The following MRPL1 variants were observed in gnomAD, a reference collection of about 807,000 sequenced individuals.
MRPL1 encodes mitochondrial ribosomal protein L1.
MRPL1 carries 28 observed loss-of-function variants against 38.0 expected under a neutral mutation model. The ratio of observed to expected loss-of-function variants is 0.74; its 90% CI spans 0.55 to 1.01. The LOEUF (loss-of-function observed/expected upper bound fraction) is 1.01. Among genes scored for constraint, MRPL1 ranks in the 50% least tolerant of loss-of-function variants. MRPL1 has a pLI of 0.00. For synonymous variants in MRPL1, 123 were observed against 126.7 expected (o/e 0.97, Z 0.20); for missense variants, 358 against 389.8 (o/e 0.92, Z 0.69).
At chr4:77,890,393 T>C (rs1735779222) in intron 5 of MRPL1, among the ~76,000 whole-genome samples, 1 of 152,326 alleles carries the variant, frequency 6.6e-6, no homozygotes, top group Admixed American at 6.5e-5. Context: ...AACCACATGA[T>C]TATCTCAATA....
Position 77,904,244 on chromosome 4 carries a change from TAAA to T in MRPL1, c.671-5010_671-5008del, listed in dbSNP as rs879260489. Among the ~76,000 whole-genome samples, 21 of 139,352 alleles carry T rather than the reference TAAA, an allele frequency of 1.5e-4. No homozygotes were observed. The South Asian group carries it at 4.4e-3, about 29-fold the overall frequency. The allele number at this position is 139,352 out of a possible 152,430, so 91.4% of individuals were successfully genotyped here. On this transcript the variant is annotated intron_variant, in intron 6 of 8. Transcript: ENST00000315567. ...CCTGTGACAAAGCAAGACTGTGTCT[TAAA>T]AAAAAAAAAAAGGAGAAAAAGTTTG...
chr4:77,929,271 TAAAAATA>T (rs1736789953), intron 7 of MRPL1, among the ~76,000 whole-genome samples: 1 of 141,974 alleles, frequency 7.0e-6, no homozygotes, highest in South Asian at 2.3e-4. Flanking sequence ...TAAATAAAAA[TAAAAATA>T]AAAACAAAAA....
chr4:77,951,514 AT>A (rs1737407987), intron 8 of MRPL1, among the ~76,000 whole-genome samples: 1 of 152,226 alleles, frequency 6.6e-6, no homozygotes, highest in African/African-American at 2.4e-5. Context: ...ATAATTCAAA[AT>A]ATTAGTTCAG....
At chr4:77,863,556 T>TC (rs1207626577) in intron 1 of MRPL1, among the ~76,000 whole-genome samples, 6 of 147,200 alleles carry the variant, frequency 4.1e-5, no homozygotes, top group African/African-American at 1.0e-4. Context: ...AACCTCCGTC[T>TC]CCCAGGTTCA....
rs914824866 is a variant in MRPL1, at chr4:77,952,690, G to A, written c.*83G>A. On this transcript the variant is annotated 3_prime_UTR_variant, in exon 9 of 9. Coordinates refer to ENST00000315567, the MANE Select transcript of MRPL1 (RefSeq NM_020236.4). ...ATACAGCATAATTTTTACATTTGAT[G>A]TCTTGTTATTGATCATACTTGAAAG... 3 of 818,394 alleles carry A rather than the reference G, an allele frequency of 3.7e-6. No individual in the cohort carries two copies. Among genetic ancestry groups the A allele is most frequent in the Non-Finnish European group, 5.9e-6 (3 of 507,312 alleles). 50.7% of individuals were successfully genotyped at this position (818,394 alleles called of 1,614,324 possible). A position where few individuals can be genotyped will look rare whatever the true frequency, so the allele number is the denominator to read the frequency against.
Position 77,936,894 on chromosome 4 carries a change from A to G in MRPL1, c.778-12903A>G, listed in dbSNP as rs1736995204. Among the ~76,000 whole-genome samples the G allele has an allele frequency of 1.3e-5, 2 of 152,120 alleles. 1 individual carries two copies. Among genetic ancestry groups the G allele is most frequent in the South Asian group, 4.2e-4 (2 of 4,818 alleles). ...AATCCCAGCACTTTGGGAAGCCGAG[A>G]TGGGAGAATCGCCTGAGCCAAGGAG... On this transcript the variant is annotated intron_variant, in intron 7 of 8. Coordinates refer to ENST00000315567, the MANE Select transcript of MRPL1 (RefSeq NM_020236.4).
chr4:77,941,612 T>G (rs934839547), intron 7 of MRPL1, among the ~76,000 whole-genome samples: 1 of 152,226 alleles, frequency 6.6e-6, no homozygotes, highest in African/African-American at 2.4e-5. Flanking sequence ...AGGAGGGTTG[T>G]CTATTTCCAG....
At chr4:77,938,124 TC>T (rs1737031746) in intron 7 of MRPL1, among the ~76,000 whole-genome samples, 1 of 152,240 alleles carries the variant, frequency 6.6e-6, no homozygotes, top group African/African-American at 2.4e-5. Flanking sequence ...AATCCAGCTC[TC>T]CACCTGTTTT....
chr4:77,871,303 T>C lies in MRPL1; in HGVS notation c.32-441T>C, dbSNP rs138379856. On this transcript the variant is annotated intron_variant, in intron 1 of 8. Transcript: ENST00000315567. ...GTTTCAAGAACTGTGGTTTCTATTA[T>C]TACACTTTTTTTTTTTTTTGAGATG... Among the ~76,000 whole-genome samples, 563 of 146,050 alleles carry C rather than the reference T, an allele frequency of 3.9e-3. 4 individuals carry two copies. Among genetic ancestry groups the C allele is most frequent in the African/African-American group, 0.014 (538 of 37,586 alleles).
chr4:77,871,669 C>T (rs894043026), intron 1 of MRPL1, 75 bp from the exon 2 acceptor site: 3 of 678,036 alleles, frequency 4.4e-6, no homozygotes, highest in Non-Finnish European at 7.2e-6. Flanking sequence ...TTTGAAAGTA[C>T]TGACTTTTAA....
intron 5 of MRPL1, among the ~76,000 whole-genome samples, chr4:77,890,455 C>T (rs971956147): frequency 2.6e-5 from 4 of 152,192 alleles, no homozygotes; most frequent in African/African-American, 9.7e-5. Flanking sequence ...GCTAAAAACT[C>T]TCAATAAACT....
intron 5 of MRPL1, among the ~76,000 whole-genome samples, chr4:77,888,536 C>CAAAT (rs370184977): frequency 6.6e-6 from 1 of 151,932 alleles, no homozygotes; most frequent in African/African-American, 2.4e-5. Context: ...AATAAACAAA[C>CAAAT]AAATAAATAA....
intron 5 of MRPL1, among the ~76,000 whole-genome samples, chr4:77,891,872 G>C (rs1427035161): frequency 6.6e-6 from 1 of 152,202 alleles, no homozygotes; most frequent in African/African-American, 2.4e-5. Flanking sequence ...GGCCCCAGTA[G>C]AGGATCTGTT....
intron 7 of MRPL1, among the ~76,000 whole-genome samples, chr4:77,919,036 G>A (rs147126437): frequency 6.6e-6 from 1 of 152,240 alleles, no homozygotes; most frequent in Non-Finnish European, 1.5e-5. Context: ...AGAATTAACT[G>A]TCTTGTCCTC....
chr4:77,896,654 A>G (rs937377937), intron 6 of MRPL1, among the ~76,000 whole-genome samples: 1 of 152,206 alleles, frequency 6.6e-6, no homozygotes, highest in Non-Finnish European at 1.5e-5. Flanking sequence ...ATTTTGAGCA[A>G]GTGGAGAAAA....
intron 2 of MRPL1, among the ~76,000 whole-genome samples, chr4:77,878,187 C>T (rs74572445): frequency 1.3e-5 from 2 of 152,266 alleles, no homozygotes; most frequent in African/African-American, 4.8e-5. Context: ...CGTTCAGTCT[C>T]GCTCCGTCAT....
chr4:77,947,245 G>A (rs1189810435), intron 7 of MRPL1, among the ~76,000 whole-genome samples: 2 of 152,198 alleles, frequency 1.3e-5, no homozygotes, highest in Non-Finnish European at 2.9e-5. Context: ...GGGTTGCTAA[G>A]CAGACAGTAA....
chr4:77,914,274 A>G (rs201204925), intron 7 of MRPL1, among the ~76,000 whole-genome samples: 1 of 152,286 alleles, frequency 6.6e-6, no homozygotes, highest in East Asian at 1.9e-4. Flanking sequence ...CAAAAGTATA[A>G]AGACAAAAAG....
chr4:77,894,118 C>CTTTT, intron 5 of MRPL1, 21 bp from the exon 6 acceptor site: 1 of 1,118,256 alleles, frequency 8.9e-7, no homozygotes, highest in Non-Finnish European at 1.3e-6. Context: ...CTGAGGTCAC[C>CTTTT]TTTTTTTTTT....
Sources: allele counts gnomAD v4.1 joint callset (sites outside exome capture counted in the v4.1 genomes callset), GRCh38; gene constraint gnomAD v4.1.1; transcripts MANE v1.5; gene names NCBI Gene and HGNC (gene_info 2026-07-23, HGNC 2026-07-21).